FBXL17: variants seen among roughly 807,000 people sequenced by gnomAD.
FBXL17 encodes F-box and leucine rich repeat protein 17, also known as F-box/LRR-repeat protein 17.
Under a neutral mutation model 66.2 loss-of-function variants are expected in FBXL17, and 22 were observed. The observed-to-expected ratio is 0.33, with a 90% CI of 0.24 to 0.47. FBXL17 has a LOEUF of 0.47. FBXL17 is among the 20% of genes least tolerant of loss of function. FBXL17 has a pLI of 1.00. For missense variants in FBXL17, 878 were observed against 948.2 expected, an observed-to-expected ratio of 0.93 and a Z score of 0.97; for synonymous variants, 474 against 400.5, an observed-to-expected ratio of 1.18 and a Z score of -2.19.
chr5:108,275,606 T>C (rs1757452887), intron 4 of FBXL17, among the ~76,000 whole-genome samples: 1 of 152,212 alleles, frequency 6.6e-6, no homozygotes, highest in Non-Finnish European at 1.5e-5. Flanking sequence ...TCAAGAACTA[T>C]ATAAATAGTT....
intron 4 of FBXL17, among the ~76,000 whole-genome samples, chr5:108,342,532 G>A (rs1746951546): frequency 6.6e-6 from 1 of 152,152 alleles, no homozygotes; most frequent in Admixed American, 6.5e-5. Flanking sequence ...TTTCAAGGGA[G>A]ATAATGTCTT....
intron 2 of FBXL17, among the ~76,000 whole-genome samples, chr5:108,365,304 G>A (rs1425101900): frequency 6.6e-6 from 1 of 152,058 alleles, no homozygotes; most frequent in African/African-American, 2.4e-5. Flanking sequence ...TACTAATGAA[G>A]TGACTTAGAG....
chr5:107,916,354 C>T (rs376524327), intron 7 of FBXL17, among the ~76,000 whole-genome samples: 1 of 152,140 alleles, frequency 6.6e-6, no homozygotes, highest in Non-Finnish European at 1.5e-5. Flanking sequence ...AGAACCCAAC[C>T]TTATACACAT....
intron 7 of FBXL17, among the ~76,000 whole-genome samples, chr5:108,000,274 T>C (rs1191020729): frequency 1.3e-5 from 2 of 152,188 alleles, no homozygotes; most frequent in Non-Finnish European, 2.9e-5. Flanking sequence ...ACCAGAAGCT[T>C]CTTATACGCA....
At chr5:108,098,746 T>TTA (rs1554064844) in intron 6 of FBXL17, among the ~76,000 whole-genome samples, 1 of 118,560 alleles carries the variant, frequency 8.4e-6, no homozygotes, top group Admixed American at 9.0e-5. Context: ...CTCTGTCTCA[T>TTA]AAAAAAAAAA....
chr5:107,955,445 C>T lies in FBXL17; in HGVS notation c.1822+65480G>A, dbSNP rs576230869. 5.9e-5 allele frequency among the ~76,000 whole-genome samples: 9 copies of T among 152,274 alleles called. No homozygotes were observed. The East Asian group carries it at 9.7e-4, about 16-fold the overall frequency. The stretch of plus-strand genomic sequence containing the variant: ...TTACCACAAAGTGATCTGAAACCCT[C>T]TTTAATGTTGATTTTGCAATCACAG... On this transcript the variant is annotated intron_variant, in intron 7 of 8. Coordinates refer to ENST00000542267, the MANE Select transcript of FBXL17 (RefSeq NM_001163315.3).
chr5:108,346,492 C>T (rs1341083825), intron 4 of FBXL17, among the ~76,000 whole-genome samples: 1 of 151,932 alleles, frequency 6.6e-6, no homozygotes, highest in South Asian at 2.1e-4. Flanking sequence ...TGTTTGATTG[C>T]CAATAAAACT....
chr5:107,877,789 G>A (rs372032837), intron 8 of FBXL17, among the ~76,000 whole-genome samples: 1 of 152,084 alleles, frequency 6.6e-6, no homozygotes, highest in Non-Finnish European at 1.5e-5. Context: ...GGTTTTCTTG[G>A]TGGTTAGCAG....
At chr5:108,078,154 C>T (rs531791440) in intron 6 of FBXL17, among the ~76,000 whole-genome samples, 6 of 152,278 alleles carry the variant, frequency 3.9e-5, no homozygotes, top group Admixed American at 2.6e-4. Flanking sequence ...ATACAGGCCT[C>T]GCCCATCTGC....
intron 6 of FBXL17, among the ~76,000 whole-genome samples, chr5:108,177,930 T>TATATATAC (rs1554072228): frequency 1.6e-5 from 2 of 124,926 alleles, no homozygotes; most frequent in South Asian, 4.9e-4. Flanking sequence ...TATATATATA[T>TATATATAC]ATACACACAC....
intron 7 of FBXL17, among the ~76,000 whole-genome samples, chr5:108,002,578 G>A (rs1753776694): frequency 6.6e-6 from 1 of 152,012 alleles, no homozygotes; most frequent in Non-Finnish European, 1.5e-5. Context: ...ACCTGAATGA[G>A]AAAGGTCATA....
chr5:108,137,968 T>C (rs927840527), intron 6 of FBXL17, among the ~76,000 whole-genome samples: 2 of 152,204 alleles, frequency 1.3e-5, no homozygotes, highest in African/African-American at 4.8e-5. Context: ...TGTATACTAC[T>C]TGGATTTTAA....
chr5:108,354,328 T>C (rs1459156049), intron 3 of FBXL17, among the ~76,000 whole-genome samples: 3 of 151,980 alleles, frequency 2.0e-5, no homozygotes, highest in Non-Finnish European at 2.9e-5. Context: ...ATGGGAAAAG[T>C]AGGCAACACG....
chr5:108,230,004 C>G (rs933424379), intron 4 of FBXL17, among the ~76,000 whole-genome samples: 2 of 152,064 alleles, frequency 1.3e-5, no homozygotes, highest in African/African-American at 4.8e-5. Context: ...AAATGTAAAT[C>G]AAAACCACAA....
intron 4 of FBXL17, among the ~76,000 whole-genome samples, chr5:108,240,555 G>C (rs1356886529): frequency 2.6e-5 from 4 of 152,138 alleles, no homozygotes; most frequent in Non-Finnish European, 5.9e-5. Flanking sequence ...AGAACACCAA[G>C]TAGGTTCCTA....
At chr5:107,998,691 A>G (rs1229067778) in intron 7 of FBXL17, among the ~76,000 whole-genome samples, 1 of 152,152 alleles carries the variant, frequency 6.6e-6, no homozygotes, top group Non-Finnish European at 1.5e-5. Context: ...AAAACCCGAG[A>G]AACCTGAAAT....
chr5:108,201,531 TAAATTAATGTTTTTA>T (rs1231149221), intron 5 of FBXL17, among the ~76,000 whole-genome samples: 1 of 152,174 alleles, frequency 6.6e-6, no homozygotes, highest in Admixed American at 6.6e-5. Context: ...ATAAATGTTT[TAAATTAATGTTTTTA>T]AAATAAATTG....
chr5:108,244,558 C>A (rs1184593416), intron 4 of FBXL17, among the ~76,000 whole-genome samples: 1 of 152,210 alleles, frequency 6.6e-6, no homozygotes, highest in Non-Finnish European at 1.5e-5. Context: ...AATGTACAAA[C>A]ACTTCCTTTC....
At chr5:108,175,512 A>C (rs1373444276) in intron 6 of FBXL17, among the ~76,000 whole-genome samples, 1 of 152,200 alleles carries the variant, frequency 6.6e-6, no homozygotes, top group Non-Finnish European at 1.5e-5. Flanking sequence ...GATATTTTTC[A>C]TACTTCAGTA....
Sources: allele counts gnomAD v4.1 joint callset (sites outside exome capture counted in the v4.1 genomes callset), GRCh38; gene constraint gnomAD v4.1.1; transcripts MANE v1.5; gene names NCBI Gene and HGNC (gene_info 2026-07-23, HGNC 2026-07-21).